The following JUP variants were observed in gnomAD, a reference collection of about 807,000 sequenced individuals.
JUP encodes junction plakoglobin.
JUP carries 28 observed loss-of-function variants against 71.1 expected under a neutral mutation model. That is an observed-to-expected ratio of 0.39 (90% confidence interval 0.29 to 0.54). The LOEUF (loss-of-function observed/expected upper bound fraction) is 0.54. Ranked by LOEUF, JUP falls within the 20% of genes least tolerant of loss-of-function variation. The pLI is 0.62. For missense variants in JUP, 869 were observed against 1,030.1 expected, an observed-to-expected ratio of 0.84 and a Z score of 2.14; for synonymous variants, 401 against 438.9, an observed-to-expected ratio of 0.91 and a Z score of 1.08.
At position 41,755,183 on chromosome 17, in the gene JUP, A is replaced by C. The variant is rs1306126413; in HGVS notation, c.*561T>G. The C allele has an allele frequency of 5.0e-6, 2 of 398,046 alleles. No homozygotes were observed. The highest frequency in any genetic ancestry group is 4.1e-5 in the African/African-American group (2 of 48,598). 24.7% of individuals were successfully genotyped at this position (398,046 alleles called of 1,614,324 possible). A position where few individuals can be genotyped will look rare whatever the true frequency, so the allele number is the denominator to read the frequency against. On this transcript the variant is annotated 3_prime_UTR_variant, in exon 14 of 14. Transcript: ENST00000393931. Reference sequence around the variant, plus strand: ...GGTTTGGAGGGGCGTTGCTGGGGGAAAACAGAATGGGTACTTGAGTCTGAA... The same window carrying C: ...GGTTTGGAGGGGCGTTGCTGGGGGACAACAGAATGGGTACTTGAGTCTGAA...
At chr17:41,785,196 C>G (rs1310310427) in intron 1 of JUP, 1 of 152,122 alleles carries the variant, frequency 6.6e-6, no homozygotes, top group African/African-American at 2.4e-5. Flanking sequence ...GCAAGTCCCA[C>G]AGCCTCATGC....
At chr17:41,776,456 C>T (rs1555608713) in intron 1 of JUP, among the ~76,000 whole-genome samples, 3 of 152,246 alleles carry the variant, frequency 2.0e-5, no homozygotes, top group African/African-American at 7.2e-5. Context: ...TGGCTCGTGC[C>T]TATAATCCCA....
intron 5 of JUP, among the ~76,000 whole-genome samples, chr17:41,766,336 G>C (rs1432184847): frequency 1.3e-5 from 2 of 151,862 alleles, no homozygotes; most frequent in Non-Finnish European, 2.9e-5. Flanking sequence ...AAAGGAAAAA[G>C]GAAAGGGGAG....
intron 4 of JUP, among the ~76,000 whole-genome samples, chr17:41,768,136 C>T (rs1281279185): frequency 1.3e-5 from 2 of 152,198 alleles, no homozygotes; most frequent in South Asian, 2.1e-4. Flanking sequence ...TGGTGGCAGA[C>T]GCCTATAATC....
Position 41,755,903 on chromosome 17 carries a change from CA to C in JUP, c.2087-9del. The C allele has an allele frequency of 6.2e-7, 1 of 1,601,174 alleles. No individual in the cohort carries two copies. Among genetic ancestry groups the C allele is most frequent in the Non-Finnish European group, 8.5e-7 (1 of 1,172,576 alleles). On this transcript the variant is annotated splice_polypyrimidine_tract_variant and intron_variant, in intron 13 of 13. Coordinates refer to ENST00000393931, the MANE Select transcript of JUP (RefSeq NM_002230.4). Reference sequence around the variant, plus strand: ...GGTAGGTGGCATCCATGTCTGGGGACAAAAAGTGGGGCTCGGTCCTAGGGTC... The same window carrying C: ...GGTAGGTGGCATCCATGTCTGGGGACAAAAGTGGGGCTCGGTCCTAGGGTC...
At chr17:41,783,657 A>G (rs2047288845) in intron 1 of JUP, among the ~76,000 whole-genome samples, 1 of 151,930 alleles carries the variant, frequency 6.6e-6, no homozygotes, top group African/African-American at 2.4e-5. Flanking sequence ...GAGGTGGCTC[A>G]CGCCTGTAAT....
At chr17:41,762,955 G>A (rs1915131205) in intron 8 of JUP, 28 bp downstream of exon 8, 1 of 1,602,916 alleles carries the variant, frequency 6.2e-7, no homozygotes, top group Non-Finnish European at 8.5e-7. Flanking sequence ...GCTGCAGGGA[G>A]CTCCTTCCCC....
In JUP at chr17:41,783,271, G is replaced by A. The variant is rs569335878; in HGVS notation, c.-9+3317C>T. 1.1e-4 allele frequency among the ~76,000 whole-genome samples: 16 copies of A among 146,278 alleles called. No individual in the cohort carries two copies. In the South Asian group the frequency reaches 3.3e-3, roughly 30 times the overall value. ...TTCAATTTCCTCCTCTGTAGAATGC[G>A]AATAATGATACGCGTTTTTTTTGTT... On this transcript the variant is annotated intron_variant, in intron 1 of 13. Coordinates refer to ENST00000393931, the MANE Select transcript of JUP (RefSeq NM_002230.4).
At chr17:41,762,158 AGAGAGAGAGAGAGAGAGAGT>A (rs1441632445) in intron 8 of JUP, among the ~76,000 whole-genome samples, 117 of 115,496 alleles carry the variant, frequency 1.0e-3, no homozygotes, top group African/African-American at 1.7e-3. Context: ...AGAGAGAGAG[AGAGAGAGAGAGAGAGAGAGT>A]GTGTGTGTGT....
intron 5 of JUP, 73 bp downstream of exon 5, chr17:41,767,306 G>T: frequency 7.7e-7 from 1 of 1,299,934 alleles, no homozygotes; most frequent in Non-Finnish European, 1.1e-6. Flanking sequence ...GGGGGCAGCG[G>T]CCCAAGGCTG....
At chr17:41,774,577 G>A (rs1043642270) in intron 1 of JUP, among the ~76,000 whole-genome samples, 1 of 151,798 alleles carries the variant, frequency 6.6e-6, no homozygotes, top group Non-Finnish European at 1.5e-5. Flanking sequence ...CAGGTGATCC[G>A]CCCACCTCAG....
intron 4 of JUP, 124 bp downstream of exon 4, chr17:41,768,845 G>C: frequency 1.3e-6 from 1 of 786,980 alleles, no homozygotes; most frequent in Non-Finnish European, 2.2e-6. Flanking sequence ...GCACCCGGAT[G>C]GGGTGTGCTT....
chr17:41,777,191 G>A, intron 1 of JUP, among the ~76,000 whole-genome samples: 1 of 152,134 alleles, frequency 6.6e-6, no homozygotes, highest in Non-Finnish European at 1.5e-5. Flanking sequence ...TGAGGAGAAG[G>A]GGAGTGGAAC....
intron 1 of JUP, among the ~76,000 whole-genome samples, chr17:41,775,228 G>C (rs1182456526): frequency 6.6e-6 from 1 of 152,128 alleles, no homozygotes; most frequent in African/African-American, 2.4e-5. Context: ...AAAAAAACAG[G>C]ATTCCCACAA....
At chr17:41,780,944 GC>G (rs2047127286) in intron 1 of JUP, among the ~76,000 whole-genome samples, 3 of 152,094 alleles carry the variant, frequency 2.0e-5, no homozygotes, top group African/African-American at 7.2e-5. Context: ...ACTTTGGGAG[GC>G]CGAGGCGGGT....
intron 1 of JUP, among the ~76,000 whole-genome samples, chr17:41,785,640 C>A (rs984184152): frequency 1.3e-5 from 2 of 152,324 alleles, no homozygotes; most frequent in East Asian, 3.9e-4. Context: ...GACGGGAAAA[C>A]CCCCAGATAA....
chr17:41,766,997 T>G (rs763964896), intron 5 of JUP, among the ~76,000 whole-genome samples: 1 of 149,750 alleles, frequency 6.7e-6, no homozygotes, highest in Non-Finnish European at 1.5e-5. Flanking sequence ...CAGTGAGCCC[T>G]GATTACACCA....
chr17:41,777,791 G>A (rs1483954587), intron 1 of JUP, among the ~76,000 whole-genome samples: 2 of 152,204 alleles, frequency 1.3e-5, no homozygotes, highest in African/African-American at 2.4e-5. Context: ...ACAAACCCGG[G>A]TAGGAAAATG....
In JUP at chr17:41,757,734, C is replaced by A. The variant is rs376043057; in HGVS notation, c.1824G>T (p.Leu608=). The A allele has an allele frequency of 1.9e-6, 3 of 1,613,026 alleles. No individual in the cohort carries two copies. Among genetic ancestry groups the A allele is most frequent in the Non-Finnish European group, 2.5e-6 (3 of 1,179,378 alleles). The change falls in exon 11 of 14, where the codon CTG becomes CTT. Residue 608 remains leucine (L), a synonymous_variant. Coordinates refer to ENST00000393931, the MANE Select transcript of JUP (RefSeq NM_002230.4). ...ENIQRVAAGV[L]CELAQDKEAA... is the part of the protein sequence containing the mutation. ...CCTCCTTGTCCTGGGCCAGCTCACACAGCACCCCGGCAGCCACGCGCTGGA... is the reference window on the plus strand; with the variant it reads ...CCTCCTTGTCCTGGGCCAGCTCACAAAGCACCCCGGCAGCCACGCGCTGGA...
Sources: allele counts gnomAD v4.1 joint callset (sites outside exome capture counted in the v4.1 genomes callset), GRCh38; gene constraint gnomAD v4.1.1; transcripts MANE v1.5; gene names NCBI Gene and HGNC (gene_info 2026-07-23, HGNC 2026-07-21).